Variants in ADAM19 observed in about 807,000 individuals in gnomAD.
ADAM19 encodes disintegrin and metalloproteinase domain-containing protein 19.
ADAM19 carries 65 observed loss-of-function variants against 114.7 expected under a neutral mutation model. That is an observed-to-expected ratio of 0.57 (90% CI 0.46 to 0.70). The LOEUF (loss-of-function observed/expected upper bound fraction) is 0.70, where lower values mean the gene tolerates loss of function less well. ADAM19 is among the 30% of genes least tolerant of loss of function. The probability of loss-of-function intolerance (pLI) is 0.00; values close to 1 mark genes in which losing one functional copy is unlikely to be tolerated. For missense variants in ADAM19, 1,063 were observed against 1,204.7 expected (o/e 0.88, Z 1.74); for synonymous variants, 466 against 460.5 (o/e 1.01, Z -0.15).
At chr5:157,544,078 C>A (rs1344860910) in intron 3 of ADAM19, among the ~76,000 whole-genome samples, 1 of 152,134 alleles carries the variant, frequency 6.6e-6, no homozygotes, top group Admixed American at 6.5e-5. Context: ...CTGATGAGTC[C>A]AGGGGGCTGC....
intron 3 of ADAM19, among the ~76,000 whole-genome samples, chr5:157,543,633 T>A (rs1756975335): frequency 6.6e-6 from 1 of 152,168 alleles, no homozygotes; most frequent in African/African-American, 2.4e-5. Flanking sequence ...CGTGGCAAAA[T>A]CTTGATCATT....
At chr5:157,540,788 G>A (rs1432174118) in intron 3 of ADAM19, among the ~76,000 whole-genome samples, 1 of 152,102 alleles carries the variant, frequency 6.6e-6, no homozygotes, top group Non-Finnish European at 1.5e-5. Context: ...CTCCATTTCT[G>A]ACCACATACA....
chr5:157,499,758 C>A, intron 12 of ADAM19, 96 bp from the exon 13 acceptor site: 17 of 653,112 alleles, frequency 2.6e-5, no homozygotes, highest in Non-Finnish European at 4.2e-5. Flanking sequence ...AACCCCAGCT[C>A]TCTAGCAACT....
chr5:157,504,151 C>G (rs1272549169), intron 11 of ADAM19, among the ~76,000 whole-genome samples: 1 of 152,188 alleles, frequency 6.6e-6, no homozygotes, highest in African/African-American at 2.4e-5. Flanking sequence ...TCTTCAGATA[C>G]GCTTTTTAGA....
At chr5:157,569,417 T>C (rs1356082137) in intron 2 of ADAM19, among the ~76,000 whole-genome samples, 1 of 96,836 alleles carries the variant, frequency 1.0e-5, no homozygotes, top group Non-Finnish European at 1.9e-5. Context: ...GCTAATTTTC[T>C]TTTTTTTTTT....
At chr5:157,528,343 A>C (rs1252038931) in intron 5 of ADAM19, among the ~76,000 whole-genome samples, 1 of 152,214 alleles carries the variant, frequency 6.6e-6, no homozygotes, top group East Asian at 1.9e-4. Flanking sequence ...CTGCTGCTGG[A>C]ATGATTTACA....
chr5:157,518,345 T>TC (rs1177497144), intron 7 of ADAM19, among the ~76,000 whole-genome samples: 2 of 151,402 alleles, frequency 1.3e-5, no homozygotes, highest in Non-Finnish European at 2.9e-5. Flanking sequence ...TTGGGGGAGT[T>TC]CCCCCCAACT....
At chr5:157,504,023 C>T (rs976758630) in intron 11 of ADAM19, among the ~76,000 whole-genome samples, 1 of 152,168 alleles carries the variant, frequency 6.6e-6, no homozygotes, top group Non-Finnish European at 1.5e-5. Flanking sequence ...TGGAGCTTTT[C>T]CTTCAGTGGG....
chr5:157,489,956 C>T (rs1048362251), intron 19 of ADAM19, among the ~76,000 whole-genome samples: 2 of 152,202 alleles, frequency 1.3e-5, no homozygotes, highest in Non-Finnish European at 2.9e-5. Flanking sequence ...CACTGCATTC[C>T]AGCCTGGGCA....
At chr5:157,483,470 T>G (rs758871895) in intron 21 of ADAM19, among the ~76,000 whole-genome samples, 1 of 152,164 alleles carries the variant, frequency 6.6e-6, no homozygotes, top group Non-Finnish European at 1.5e-5. Context: ...GTTCAAGAGT[T>G]GTTAGGTGGA....
Position 157,519,991 on chromosome 5 carries a change from C to T in ADAM19, c.448G>A (p.Glu150Lys), listed in dbSNP as rs376419578. ...TVSSNLSYVI[E>K]PLPDSKGQHL... ...TGGCCCTTGCTGTCAGGGAGGGGCT[C>T]GATGACGTAGCTGAGGTTGCTGCTC... The change falls in exon 6 of 23, where the codon GAG becomes AAG. Residue 150 changes from glutamate to lysine, a missense_variant. This residue lies in a region of ADAM19 where 615 missense variants were observed against 706.3 expected (regional missense o/e 0.87). Coordinates refer to ENST00000257527, the MANE Select transcript of ADAM19 (RefSeq NM_033274.5). The T allele has an allele frequency of 1.3e-4, 211 of 1,613,838 alleles. No individual in the cohort carries two copies. Among genetic ancestry groups the T allele is most frequent in the Non-Finnish European group, 3.4e-5 (40 of 1,179,976 alleles).
chr5:157,551,986 A>G (rs569155045), intron 3 of ADAM19, among the ~76,000 whole-genome samples: 1 of 152,064 alleles, frequency 6.6e-6, no homozygotes, highest in Non-Finnish European at 1.5e-5. Context: ...TACTAAAAAT[A>G]CAAAATGCAA....
In ADAM19 at chr5:157,477,438, A is replaced by T. The variant is rs1754628107; in HGVS notation, c.*3511T>A. 3 of 1,032,232 alleles carry T rather than the reference A, an allele frequency of 2.9e-6. No individual in the cohort carries two copies. Among genetic ancestry groups the T allele is most frequent in the Non-Finnish European group, 3.5e-6 (3 of 855,134 alleles). 63.9% of individuals were successfully genotyped at this position (1,032,232 alleles called of 1,614,324 possible). On this transcript the variant is annotated 3_prime_UTR_variant, in exon 23 of 23. Transcript: ENST00000257527. Reference sequence around the variant, plus strand: ...TAATAGGTGGACAAGAGAGAAGAAGATCTGTTTTCCGTGAACAATCTCCCA... The same window carrying T: ...TAATAGGTGGACAAGAGAGAAGAAGTTCTGTTTTCCGTGAACAATCTCCCA...
chr5:157,537,622 T>A (rs1050403541), intron 4 of ADAM19, among the ~76,000 whole-genome samples: 1 of 152,194 alleles, frequency 6.6e-6, no homozygotes, highest in Non-Finnish European at 1.5e-5. Flanking sequence ...ATGTGGGTAA[T>A]TAACATAAAG....
At chr5:157,564,276 C>T in intron 3 of ADAM19, 97 bp downstream of exon 3, 3 of 1,134,616 alleles carry the variant, frequency 2.6e-6, no homozygotes, top group Non-Finnish European at 4.0e-6. Context: ...CTTGGGGTCA[C>T]TCCATTGACT....
intron 4 of ADAM19, among the ~76,000 whole-genome samples, chr5:157,532,961 T>C (rs1756666262): frequency 6.6e-6 from 1 of 152,166 alleles, no homozygotes; most frequent in South Asian, 2.1e-4. Context: ...GTAGAGTACT[T>C]GGCCGAGAGT....
intron 8 of ADAM19, among the ~76,000 whole-genome samples, chr5:157,512,470 C>G (rs1304916976): frequency 6.6e-6 from 1 of 152,194 alleles, no homozygotes; most frequent in Non-Finnish European, 1.5e-5. Flanking sequence ...ATAAACGTTA[C>G]CAGATTCTCA....
At chr5:157,548,721 T>C (rs1421711962) in intron 3 of ADAM19, among the ~76,000 whole-genome samples, 1 of 152,210 alleles carries the variant, frequency 6.6e-6, no homozygotes, top group Admixed American at 6.5e-5. Flanking sequence ...TAAATGTAGT[T>C]TCATTTTCAG....
Position 157,493,001 on chromosome 5 carries a change from A to G in ADAM19, c.1880T>C (p.Met627Thr). Residue 627 changes from methionine (M) to threonine (T), a missense_variant, in exon 16 of 23, where the codon ATG becomes ACG. This residue lies in a region of ADAM19 where 424 missense variants were observed against 445.5 expected (regional missense o/e 0.95). Transcript: ENST00000257527. ...EGDMLDPGLV[M>T]TGTKCGYNHI... ...GTTGTAGCCACACTTGGTTCCAGTC[A>G]TCACCAGCCCTGGGTCCAGCATGTC... 6.2e-7 allele frequency: 1 copy of G among 1,614,218 alleles called. No individual in the cohort carries two copies. The highest frequency in any genetic ancestry group is 8.5e-7 in the Non-Finnish European group (1 of 1,180,038).
Sources: gnomAD v4.1 joint callset for allele counts (sites outside exome capture counted in the v4.1 genomes callset) on GRCh38, gnomAD v4.1.1 for gene constraint, gnomAD v4.1.1 regional missense constraint, MANE v1.5 for transcripts, NCBI Gene and HGNC (gene_info 2026-07-23, HGNC 2026-07-21) for gene names.